FGD2: variants seen among roughly 807,000 people sequenced by gnomAD.
The protein encoded by FGD2 is FYVE, RhoGEF and PH domain-containing protein 2.
A neutral mutation model predicts 75.9 loss-of-function variants in FGD2; 52 were observed. The ratio of observed to expected loss-of-function variants is 0.69; its 90% CI spans 0.55 to 0.86. The LOEUF (loss-of-function observed/expected upper bound fraction) is 0.86. Among genes scored for constraint, FGD2 ranks in the 40% least tolerant of loss-of-function variants. The pLI, the probability that FGD2 is intolerant of heterozygous loss-of-function variation, is 0.00. For missense variants in FGD2, 790 were observed against 872.0 expected, an observed-to-expected ratio of 0.91 and a Z score of 1.18; for synonymous variants, 347 against 348.6, an observed-to-expected ratio of 1.00 and a Z score of 0.05.
rs831510 is a variant in FGD2, at chr6:37,008,861, G to C, written c.96G>C (p.Gln32His). ...SRTPEAAPRG[Q>H]RLEDVHHRPE... is the part of the protein sequence containing the mutation. Reference sequence around the variant, plus strand: ...CCCCAGAAGCAGCACCCAGAGGCCAGAGGCTAGAGGACGTGCATCACCGCC... The same window carrying C: ...CCCCAGAAGCAGCACCCAGAGGCCACAGGCTAGAGGACGTGCATCACCGCC... Residue 32 changes from glutamine to histidine, a missense_variant, in exon 2 of 16, where the codon CAG (glutamine) becomes CAC (histidine). Gln to His is a conservative substitution (Grantham distance 24). Transcript: ENST00000274963. 413,983 of 1,602,780 alleles carry C rather than the reference G, an allele frequency of 0.26. 56,197 individuals are homozygous for C. Among genetic ancestry groups the C allele is most frequent in the East Asian group, 0.52 (22,986 of 44,540 alleles).
intron 2 of FGD2, 88 bp downstream of exon 2, chr6:37,009,153 C>G (rs759760557): frequency 2.2e-5 from 28 of 1,282,630 alleles, no homozygotes; most frequent in Non-Finnish European, 2.9e-5. Context: ...CTAGCCAGAG[C>G]CAGCAGTTCC....
At position 37,013,981 on chromosome 6, in the gene FGD2, G is replaced by A; in HGVS notation, c.704G>A (p.Ser235Asn). ...CCCAAGAGCAGCGAGGCTTCGGGCA[G>A]CCTGACCCTGCAGCACCACATGCTG... ...TRIQSSEASG[S>N]LTLQHHMLEP... The change falls in exon 6 of 16, where the codon AGC (serine) becomes AAC (asparagine). Residue 235 changes from serine (S) to asparagine (N), a missense_variant. Transcript: ENST00000274963. 3.1e-6 allele frequency: 5 copies of A among 1,613,892 alleles called. No individual in the cohort carries two copies. Among genetic ancestry groups the A allele is most frequent in the Non-Finnish European group, 4.2e-6 (5 of 1,179,876 alleles).
chr6:37,014,335 T>A (rs1281389249), intron 6 of FGD2: 4 of 624,752 alleles, frequency 6.4e-6, no homozygotes, highest in Non-Finnish European at 1.1e-5. Context: ...GAACTGGGAT[T>A]TGAACCCATG....
intron 11 of FGD2, 38 bp from the exon 12 acceptor site, chr6:37,021,474 C>T: frequency 6.4e-7 from 1 of 1,569,730 alleles, no homozygotes; most frequent in Non-Finnish European, 8.7e-7. Context: ...CTCCCTTCCA[C>T]ACCTCAAGCC....
chr6:37,021,033 T>C (rs1418141171), intron 11 of FGD2, among the ~76,000 whole-genome samples: 1 of 149,534 alleles, frequency 6.7e-6, no homozygotes, highest in Admixed American at 6.6e-5. Context: ...TGTGTATGTG[T>C]ATATGTGTGT....
chr6:37,014,160 T>A (rs1765163764), intron 6 of FGD2, 60 bp downstream of exon 6: 2 of 1,545,874 alleles, frequency 1.3e-6, no homozygotes, highest in Non-Finnish European at 8.7e-7. Flanking sequence ...CCCATATACT[T>A]ACTGAGCTCC....
intron 6 of FGD2, 170 bp from the exon 7 acceptor site, chr6:37,014,476 T>C (rs956916716): frequency 2.7e-6 from 2 of 741,666 alleles, no homozygotes; most frequent in Non-Finnish European, 4.3e-6. Flanking sequence ...CTCTCAGCCC[T>C]GGGGGGCTCC....
At chr6:37,027,223 G>GCTCT (rs1427760969) in intron 14 of FGD2, among the ~76,000 whole-genome samples, 1 of 152,202 alleles carries the variant, frequency 6.6e-6, no homozygotes, top group Non-Finnish European at 1.5e-5. Context: ...GGTTCAGGCA[G>GCTCT]GCTGGGGTTT....
intron 1 of FGD2, among the ~76,000 whole-genome samples, chr6:37,006,332 G>T (rs1764749830): frequency 6.6e-6 from 1 of 152,198 alleles, no homozygotes; most frequent in Non-Finnish European, 1.5e-5. Flanking sequence ...GTAAAGCTGG[G>T]ACCGTATGAG....
At chr6:37,018,637 C>T (rs1030692147) in intron 9 of FGD2, among the ~76,000 whole-genome samples, 6 of 152,264 alleles carry the variant, frequency 3.9e-5, no homozygotes, top group South Asian at 2.1e-4. Context: ...AGGGGCTCCA[C>T]GTACAGTTGT....
intron 15 of FGD2, 94 bp from the exon 16 acceptor site, chr6:37,027,854 G>A (rs1442599182): frequency 7.2e-6 from 10 of 1,387,306 alleles, no homozygotes; most frequent in African/African-American, 4.3e-5. Context: ...TTTAGGGTGT[G>A]AGCTGTGCGT....
intron 3 of FGD2, 58 bp from the exon 4 acceptor site, chr6:37,011,648 G>A (rs2150770009): frequency 6.2e-7 from 1 of 1,610,228 alleles, no homozygotes. Flanking sequence ...GTTCCCCCGG[G>A]CTGATGTGTG....
At chr6:37,023,294 T>C (rs1459506724) in intron 13 of FGD2, 2 of 154,740 alleles carry the variant, frequency 1.3e-5, no homozygotes, top group Non-Finnish European at 2.9e-5. Context: ...CTACCTCCAG[T>C]GTGGCAGTGA....
chr6:37,023,860 G>A (rs1361071603), intron 13 of FGD2: 5 of 152,198 alleles, frequency 3.3e-5, no homozygotes, highest in Non-Finnish European at 5.9e-5. Flanking sequence ...TTAAAATAGT[G>A]AAATACAAAG....
chr6:37,011,040 T>A lies in FGD2; in HGVS notation c.368T>A (p.Leu123Gln). ...TEQAYVARLH[L>Q]LDQVFFQELL... ...CAGGCCTATGTGGCGCGCCTCCACC[T>A]GCTAGACCAGGCCAGTGACCAGGAC... Residue 123 changes from leucine to glutamine, a missense_variant, in exon 3 of 16, where the codon CTG becomes CAG. Transcript: ENST00000274963. 1 of 1,614,120 alleles carries A rather than the reference T, an allele frequency of 6.2e-7. No individual in the cohort carries two copies. Among genetic ancestry groups the A allele is most frequent in the Non-Finnish European group, 8.5e-7 (1 of 1,179,982 alleles).
intron 3 of FGD2, chr6:37,011,448 C>G (rs751486419): frequency 1.7e-6 from 1 of 573,726 alleles, no homozygotes; most frequent in Admixed American, 3.2e-5. Context: ...AAGACCTCCA[C>G]AGTTTGGGCC....
At chr6:37,021,366 A>T in intron 11 of FGD2, 146 bp from the exon 12 acceptor site, 1 of 657,866 alleles carries the variant, frequency 1.5e-6, no homozygotes, top group Non-Finnish European at 2.6e-6. Context: ...CTCCTCCGAT[A>T]AGGCAGCCCG....
Position 37,015,836 on chromosome 6 carries a change from C to T in FGD2, c.1098C>T (p.Thr366=). 6.3e-7 allele frequency: 1 copy of T among 1,590,322 alleles called. No homozygotes were observed. Among genetic ancestry groups the T allele is most frequent in the South Asian group, 1.2e-5 (1 of 86,754 alleles). The change falls in exon 9 of 16, where the codon ACC becomes ACT. Residue 366 remains threonine, a synonymous_variant. Coordinates refer to ENST00000274963, the MANE Select transcript of FGD2 (RefSeq NM_173558.4). ...TGGGCGCCCAGTTCCAGGTGAGGAC[C>T]CGCATCGATGTGGCCGGGATGAAGG... The part of the protein sequence containing the change: ...IQVGAQFQVR[T]RIDVAGMKVR...
chr6:37,020,389 A>G, intron 9 of FGD2, 152 bp from the exon 10 acceptor site: 1 of 699,266 alleles, frequency 1.4e-6, no homozygotes. Flanking sequence ...TTGGCTCAAC[A>G]GGATTAGAGA....
Sources: gnomAD v4.1 joint callset for allele counts (sites outside exome capture counted in the v4.1 genomes callset) on GRCh38, gnomAD v4.1.1 for gene constraint, MANE v1.5 for transcripts, NCBI Gene and HGNC (gene_info 2026-07-23, HGNC 2026-07-21) for gene names.